Variants in PPARGC1B observed in about 807,000 individuals in gnomAD.
The protein encoded by PPARGC1B is peroxisome proliferator-activated receptor gamma coactivator 1-beta.
Under a neutral mutation model 101.6 loss-of-function variants are expected in PPARGC1B, and 34 were observed. That is an observed-to-expected ratio of 0.33 (90% CI 0.25 to 0.45). The LOEUF (loss-of-function observed/expected upper bound fraction) is 0.45, where lower values mean the gene tolerates loss of function less well. Ranked by LOEUF, PPARGC1B falls within the 20% of genes least tolerant of loss-of-function variation. The probability of loss-of-function intolerance (pLI) is 1.00; values close to 1 mark genes in which losing one functional copy is unlikely to be tolerated. For synonymous variants in PPARGC1B, 548 were observed against 539.3 expected, an observed-to-expected ratio of 1.02 and a Z score of -0.22; for missense variants, 1,234 against 1,317.6, an observed-to-expected ratio of 0.94 and a Z score of 0.98.
At chr5:149,830,703 A>T (rs1393322043) in intron 3 of PPARGC1B, 64 bp from the exon 4 acceptor site, 1 of 1,225,772 alleles carries the variant, frequency 8.2e-7, no homozygotes. Context: ...GGGGCTGGCC[A>T]TGCAGTCCAT....
In PPARGC1B at chr5:149,786,386, G is replaced by A. The variant is rs190543133; in HGVS notation, c.79-34047G>A. On this transcript the variant is annotated intron_variant, in intron 1 of 11. Coordinates refer to ENST00000309241, the MANE Select transcript of PPARGC1B (RefSeq NM_133263.4). ...GCTGGGATTACAGGCATGAGCCACC[G>A]CACCCAGCCAGATTTTTGTATTTTT... 1.1e-4 allele frequency among the ~76,000 whole-genome samples: 17 copies of A among 152,118 alleles called. 1 individual carries two copies. The highest frequency in any genetic ancestry group is 1.9e-4 in the Non-Finnish European group (13 of 67,982).
chr5:149,755,031 CTACATATACATA>C (rs1179338829), intron 1 of PPARGC1B, among the ~76,000 whole-genome samples: 3 of 119,724 alleles, frequency 2.5e-5, no homozygotes, highest in South Asian at 2.5e-4. Context: ...CACATATACA[CTACATATACATA>C]TACATATACA....
intron 1 of PPARGC1B, among the ~76,000 whole-genome samples, chr5:149,735,892 A>G (rs2113067971): frequency 6.6e-6 from 1 of 152,338 alleles, no homozygotes; most frequent in Non-Finnish European, 1.5e-5. Context: ...TTGGGAGGCC[A>G]AGGCGGGCAG....
intron 1 of PPARGC1B, among the ~76,000 whole-genome samples, chr5:149,758,116 G>A (rs1755601482): frequency 6.6e-6 from 1 of 152,238 alleles, no homozygotes; most frequent in Admixed American, 6.5e-5. Flanking sequence ...CTGGAACTGG[G>A]GATGGGTCTG....
intron 1 of PPARGC1B, among the ~76,000 whole-genome samples, chr5:149,741,863 C>T (rs1172199718): frequency 6.6e-6 from 1 of 152,174 alleles, no homozygotes; most frequent in Non-Finnish European, 1.5e-5. Context: ...CTCCTGACCT[C>T]AGGTAATTCA....
chr5:149,795,432 G>A (rs752114606), intron 1 of PPARGC1B, among the ~76,000 whole-genome samples: 15 of 152,178 alleles, frequency 9.9e-5, no homozygotes, highest in Non-Finnish European at 1.2e-4. Context: ...TCCACCTGGG[G>A]CTCTGTTGTT....
At chr5:149,783,996 T>G (rs1756692836) in intron 1 of PPARGC1B, among the ~76,000 whole-genome samples, 1 of 152,070 alleles carries the variant, frequency 6.6e-6, no homozygotes, top group Non-Finnish European at 1.5e-5. Context: ...CTAGGCAAGA[T>G]GGGCATGGGA....
Position 149,826,779 on chromosome 5 carries a change from A to G in PPARGC1B, c.359A>G (p.Asp120Gly), listed in dbSNP as rs1758539924. Residue 120 changes from aspartate to glycine, a missense_variant, in exon 3 of 12, where the codon GAC becomes GGC. Transcript: ENST00000309241. ...GCCTTCCCAGCCCTGGATGGTGGAGACGCTCTATCATGCACCTCAGCTTCG... is the reference window on the plus strand; with the variant it reads ...GCCTTCCCAGCCCTGGATGGTGGAGGCGCTCTATCATGCACCTCAGCTTCG... ...LAAFPALDGGDALSCTSASPA... is the reference protein window; with the variant it reads ...LAAFPALDGGGALSCTSASPA... The G allele has an allele frequency of 1.9e-6, 3 of 1,613,608 alleles. No individual in the cohort carries two copies. Among genetic ancestry groups the G allele is most frequent in the Non-Finnish European group, 1.7e-6 (2 of 1,179,798 alleles).
chr5:149,768,379 A>G (rs983519584), intron 1 of PPARGC1B, among the ~76,000 whole-genome samples: 3 of 151,954 alleles, frequency 2.0e-5, no homozygotes, highest in Non-Finnish European at 2.9e-5. Context: ...GGCTCAAGCA[A>G]TCATCCCATT....
At chr5:149,804,139 G>A (rs1359832809) in intron 1 of PPARGC1B, among the ~76,000 whole-genome samples, 2 of 152,280 alleles carry the variant, frequency 1.3e-5, no homozygotes, top group African/African-American at 4.8e-5. Flanking sequence ...AGGGGGGTTA[G>A]TGTGAGAGAG....
intron 1 of PPARGC1B, among the ~76,000 whole-genome samples, chr5:149,776,261 A>G (rs1181845718): frequency 6.6e-6 from 1 of 152,232 alleles, no homozygotes; most frequent in African/African-American, 2.4e-5. Context: ...CTAGCTTGCA[A>G]TGAGACCATG....
chr5:149,770,291 C>T (rs1756079170), intron 1 of PPARGC1B, among the ~76,000 whole-genome samples: 1 of 152,150 alleles, frequency 6.6e-6, no homozygotes, highest in Admixed American at 6.5e-5. Flanking sequence ...TTCTATTCAA[C>T]TTCTTAGGAT....
chr5:149,744,221 C>T (rs905755717), intron 1 of PPARGC1B, among the ~76,000 whole-genome samples: 2 of 152,192 alleles, frequency 1.3e-5, no homozygotes, highest in African/African-American at 4.8e-5. Flanking sequence ...ACCTTTCCTG[C>T]CTAGGGCCAA....
At chr5:149,770,088 C>T (rs1233619632) in intron 1 of PPARGC1B, among the ~76,000 whole-genome samples, 1 of 152,202 alleles carries the variant, frequency 6.6e-6, no homozygotes, top group Non-Finnish European at 1.5e-5. Flanking sequence ...CTGCAGCAGC[C>T]AGTCAGCCTC....
chr5:149,834,892 A>T (rs528267128), intron 6 of PPARGC1B, among the ~76,000 whole-genome samples, 182 bp downstream of exon 6: 1 of 152,236 alleles, frequency 6.6e-6, no homozygotes, highest in South Asian at 2.1e-4. Context: ...TGGTGTTTAG[A>T]AACTGACTTT....
chr5:149,763,507 C>CA (rs748071316), intron 1 of PPARGC1B, among the ~76,000 whole-genome samples: 10 of 142,934 alleles, frequency 7.0e-5, no homozygotes, highest in Admixed American at 2.1e-4. Context: ...GAAGGGCCTT[C>CA]AGAGGCCATT....
At chr5:149,750,656 CTG>C (rs1443240971) in intron 1 of PPARGC1B, among the ~76,000 whole-genome samples, 8 of 151,952 alleles carry the variant, frequency 5.3e-5, no homozygotes, top group Non-Finnish European at 4.4e-5. Context: ...ACCATGAGGT[CTG>C]TAATTATTTA....
At chr5:149,733,916 A>C (rs896202403) in intron 1 of PPARGC1B, among the ~76,000 whole-genome samples, 6 of 152,222 alleles carry the variant, frequency 3.9e-5, no homozygotes, top group African/African-American at 1.4e-4. Context: ...AATACTGCCA[A>C]GCATAAAGAA....
chr5:149,774,894 G>A (rs1756293703), intron 1 of PPARGC1B, among the ~76,000 whole-genome samples: 1 of 152,098 alleles, frequency 6.6e-6, no homozygotes, highest in Non-Finnish European at 1.5e-5. Context: ...CTAGTGGTTG[G>A]GTTCTATCCC....
Sources: allele counts gnomAD v4.1 joint callset (sites outside exome capture counted in the v4.1 genomes callset), GRCh38; gene constraint gnomAD v4.1.1; transcripts MANE v1.5; gene names NCBI Gene and HGNC (gene_info 2026-07-23, HGNC 2026-07-21).